Variants in OR3A2 observed in about 807,000 individuals in gnomAD.
OR3A2 encodes the protein olfactory receptor family 3 subfamily A member 2, also known as olfactory receptor 3A2.
For synonymous variants in OR3A2, 126 were observed against 159.3 expected (o/e 0.79, Z 1.57); for missense variants, 318 against 392.8 (o/e 0.81, Z 1.61).
rs1307994469 is a variant in OR3A2, at chr17:3,329,567, T to G, written c.-85+6466A>C. Among the ~76,000 whole-genome samples, 17 of 119,760 alleles carry G rather than the reference T, an allele frequency of 1.4e-4. No individual in the cohort carries two copies. The East Asian group carries it at 2.6e-3, about 18-fold the overall frequency. 78.6% of individuals were successfully genotyped at this position (119,760 alleles called of 152,430 possible). A position where few individuals can be genotyped will look rare whatever the true frequency, so the allele number is the denominator to read the frequency against. ...GGGATCGGTGGTGATATCCCCTTTATCATTTTTTATTGCGTCTATTTGATT... is the reference window on the plus strand; with the variant it reads ...GGGATCGGTGGTGATATCCCCTTTAGCATTTTTTATTGCGTCTATTTGATT... On this transcript the variant is annotated intron_variant, in intron 3 of 4. Coordinates refer to the OR3A2 transcript ENST00000573491.
At position 3,311,313 on chromosome 17, in the gene OR3A2, C is replaced by T; in HGVS notation, c.-85+24720G>A. On this transcript the variant is annotated intron_variant, in intron 3 of 4. Coordinates refer to the OR3A2 transcript ENST00000573491. The surrounding 1 kb of genome is among the most constrained non-coding windows in gnomAD (Gnocchi z 4.6). ...GTTCACAGCTCTTCTTTCCCCACCT[C>T]CTGGCTGGGGTGGACTGTCACCTCT... 5.6e-6 allele frequency: 3 copies of T among 534,980 alleles called. No individual in the cohort carries two copies. The highest frequency in any genetic ancestry group is 4.2e-5 in the South Asian group (3 of 71,616). 33.1% of individuals were successfully genotyped at this position (534,980 alleles called of 1,614,324 possible).
intron 2 of OR3A2, among the ~76,000 whole-genome samples, chr17:3,352,491 C>A (rs948418396): frequency 3.9e-5 from 6 of 151,906 alleles, no homozygotes; most frequent in African/African-American, 1.5e-4. Flanking sequence ...GTTTTCCCAA[C>A]ACCATTTGTT....
rs193109927 is a variant in OR3A2, at chr17:3,290,325, T to C, written c.-84-11172A>G. ...CAAGGCATCTTATCCAATTCCTCCA[T>C]TCTTTCTCATTTCCCATTCTGTGTA... On this transcript the variant is annotated intron_variant, in intron 3 of 4. Coordinates refer to the OR3A2 transcript ENST00000573491. Among the ~76,000 whole-genome samples, 567 of 152,256 alleles carry C rather than the reference T, an allele frequency of 3.7e-3. 5 individuals carry two copies. Among genetic ancestry groups the C allele is most frequent in the African/African-American group, 0.013 (542 of 41,530 alleles).
At chr17:3,310,712 C>T (rs2049035226) in intron 3 of OR3A2, 1 of 546,656 alleles carries the variant, frequency 1.8e-6, no homozygotes, top group African/African-American at 1.9e-5. Context: ...AGTCCCTCAC[C>T]TACAGCAGCC....
At chr17:3,286,286 G>C (rs950016903), upstream of OR3A2, among the ~76,000 whole-genome samples, 1 of 152,150 alleles carries the variant, frequency 6.6e-6, no homozygotes, top group Non-Finnish European at 1.5e-5. Context: ...TGGTATATAT[G>C]TGCCACATTT....
intron 2 of OR3A2, among the ~76,000 whole-genome samples, chr17:3,357,367 A>C (rs2049472291): frequency 6.6e-6 from 1 of 151,730 alleles, no homozygotes; most frequent in African/African-American, 2.4e-5. Flanking sequence ...TGTAAAGGCA[A>C]AGTACATAAT....
At chr17:3,371,978 C>T (rs1232609027) in intron 2 of OR3A2, among the ~76,000 whole-genome samples, 2 of 148,878 alleles carry the variant, frequency 1.3e-5, no homozygotes, top group Non-Finnish European at 3.0e-5. Flanking sequence ...ACGCTCCTCA[C>T]TTCCCAGACG....
chr17:3,384,460 T>C (rs1332140817), intron 1 of OR3A2, among the ~76,000 whole-genome samples: 1 of 152,166 alleles, frequency 6.6e-6, no homozygotes, highest in Non-Finnish European at 1.5e-5. Flanking sequence ...CAGTCTGCAA[T>C]GCCCTCCCTG....
At chr17:3,319,250 G>A (rs1437903684) in intron 3 of OR3A2, among the ~76,000 whole-genome samples, 3 of 152,178 alleles carry the variant, frequency 2.0e-5, no homozygotes, top group Non-Finnish European at 4.4e-5. Context: ...TATTGAGTCT[G>A]AGGGATTAGC....
chr17:3,291,586 CTT>C, intron 3 of OR3A2: 1 of 1,458,396 alleles, frequency 6.9e-7, no homozygotes, highest in Non-Finnish European at 9.2e-7. Flanking sequence ...CTCTAGAAGA[CTT>C]TTCCTTTAGT....
At chr17:3,366,623 T>C (rs972303845) in intron 2 of OR3A2, among the ~76,000 whole-genome samples, 3 of 152,254 alleles carry the variant, frequency 2.0e-5, no homozygotes, top group African/African-American at 4.8e-5. Context: ...ACCCCTATTA[T>C]GGAGATTTAT....
chr17:3,330,152 T>C (rs1238388154), intron 3 of OR3A2, among the ~76,000 whole-genome samples: 1 of 150,168 alleles, frequency 6.7e-6, no homozygotes, highest in African/African-American at 2.5e-5. Context: ...AATTTTGGAA[T>C]AGGTGTGGTG....
intron 2 of OR3A2, among the ~76,000 whole-genome samples, chr17:3,380,934 G>A (rs1431203003): frequency 6.6e-6 from 1 of 152,230 alleles, no homozygotes; most frequent in Non-Finnish European, 1.5e-5. Context: ...TCACGTGTGT[G>A]CCTCAGTGTG....
chr17:3,342,267 T>C lies in OR3A2; in HGVS notation c.-178-6141A>G, dbSNP rs753934324. ...ACCGACTTTCTGAAGCCTACTTCTG[T>C]CAACTCGTCAAAGTCATTCTCTGTC... On this transcript the variant is annotated intron_variant, in intron 2 of 4. Transcript: ENST00000573491. Among the ~76,000 whole-genome samples, 146 of 152,246 alleles carry C rather than the reference T, an allele frequency of 9.6e-4. 2 individuals carry two copies. The highest frequency in any genetic ancestry group is 3.5e-4 in the Non-Finnish European group (24 of 68,046).
At chr17:3,381,719 G>A (rs192622825) in intron 2 of OR3A2, among the ~76,000 whole-genome samples, 11 of 152,198 alleles carry the variant, frequency 7.2e-5, no homozygotes, top group Non-Finnish European at 1.2e-4. Flanking sequence ...TCCTTTGTAC[G>A]TGGAAAGGAA....
At chr17:3,353,080 G>A (rs911455848) in intron 2 of OR3A2, among the ~76,000 whole-genome samples, 3 of 149,056 alleles carry the variant, frequency 2.0e-5, no homozygotes, top group Non-Finnish European at 4.5e-5. Context: ...TTATGTTGAT[G>A]CTGTATCCTG....
At chr17:3,383,753 G>A (rs2049757070) in intron 2 of OR3A2, 1 of 152,146 alleles carries the variant, frequency 6.6e-6, no homozygotes, top group Non-Finnish European at 1.5e-5. Flanking sequence ...GCAACTGGGT[G>A]ACAATGATAG....
In OR3A2 at chr17:3,316,514, C is replaced by T. The variant is rs570776108; in HGVS notation, c.-85+19519G>A. Among the ~76,000 whole-genome samples, 5 of 152,328 alleles carry T rather than the reference C, an allele frequency of 3.3e-5. No individual in the cohort carries two copies. The South Asian group carries it at 8.3e-4, about 25-fold the overall frequency. On this transcript the variant is annotated intron_variant, in intron 3 of 4. Transcript: ENST00000573491. ...CTACTAGGACTCAGCAGAATTATAA[C>T]AGTAGTATATTTTATCTTATTATTT...
intron 2 of OR3A2, among the ~76,000 whole-genome samples, chr17:3,380,306 C>A (rs1305334045): frequency 6.6e-6 from 1 of 152,200 alleles, no homozygotes; most frequent in African/African-American, 2.4e-5. Context: ...ACGTGTGGCA[C>A]GCAGCACAGG....
Sources: gnomAD v4.1 joint callset for allele counts (sites outside exome capture counted in the v4.1 genomes callset) on GRCh38, gnomAD v4.1.1 for gene constraint, Gnocchi (gnomAD v3.1) non-coding constraint, MANE v1.5 for transcripts, NCBI Gene and HGNC (gene_info 2026-07-23, HGNC 2026-07-21) for gene names.